The following TMTC1 variants were observed in gnomAD, a reference collection of about 807,000 sequenced individuals.
TMTC1 encodes transmembrane O-mannosyltransferase targeting cadherins 1.
TMTC1 carries 73 observed loss-of-function variants against 104.8 expected under a neutral mutation model. The observed-to-expected ratio is 0.70, with a 90% confidence interval of 0.58 to 0.85. The LOEUF is 0.85. Ranked by LOEUF, TMTC1 falls within the 40% of genes least tolerant of loss-of-function variation. The pLI is 0.00. For synonymous variants in TMTC1, 434 were observed against 428.7 expected, an observed-to-expected ratio of 1.01 and a Z score of -0.15; for missense variants, 1,035 against 1,096.1, an observed-to-expected ratio of 0.94 and a Z score of 0.79.
intron 2 of TMTC1, among the ~76,000 whole-genome samples, chr12:29,759,265 G>A (rs1943288288): frequency 6.6e-6 from 1 of 152,172 alleles, no homozygotes; most frequent in South Asian, 2.1e-4. Flanking sequence ...GAAGGCCGAG[G>A]CTGGCGGAAC....
intron 5 of TMTC1, among the ~76,000 whole-genome samples, chr12:29,745,592 G>A (rs1189443263): frequency 1.6e-5 from 2 of 125,028 alleles, no homozygotes; most frequent in African/African-American, 3.1e-5. Flanking sequence ...CTGTACTCCA[G>A]CCTGAGCAAC....
intron 10 of TMTC1, among the ~76,000 whole-genome samples, chr12:29,554,774 G>A (rs917367548): frequency 2.0e-4 from 31 of 152,118 alleles, no homozygotes; most frequent in African/African-American, 7.0e-4. Context: ...GAGTCTGGGA[G>A]GCAGAGGTTG....
intron 7 of TMTC1, among the ~76,000 whole-genome samples, chr12:29,599,936 ATATG>A (rs1946511049): frequency 6.7e-6 from 1 of 148,248 alleles, no homozygotes; most frequent in Non-Finnish European, 1.5e-5. Context: ...ATGTGTATAT[ATATG>A]TGTGTGTATA....
chr12:29,766,718 T>G (rs1261161435), intron 2 of TMTC1, among the ~76,000 whole-genome samples: 1 of 152,132 alleles, frequency 6.6e-6, no homozygotes, highest in Non-Finnish European at 1.5e-5. Context: ...AGGTGTGTAC[T>G]CAGGCAGATC....
chr12:29,737,256 C>A (rs919384117), intron 5 of TMTC1, among the ~76,000 whole-genome samples: 18 of 152,286 alleles, frequency 1.2e-4, no homozygotes, highest in African/African-American at 4.3e-4. Context: ...TGGTGGCTCA[C>A]GCCTGTAATC....
chr12:29,693,845 C>T (rs1941335999), intron 5 of TMTC1, among the ~76,000 whole-genome samples: 1 of 152,158 alleles, frequency 6.6e-6, no homozygotes, highest in East Asian at 1.9e-4. Flanking sequence ...AATGCCCGGG[C>T]AGACTGACAG....
chr12:29,728,064 A>T (rs1942446878), intron 5 of TMTC1, among the ~76,000 whole-genome samples: 1 of 152,214 alleles, frequency 6.6e-6, no homozygotes, highest in Non-Finnish European at 1.5e-5. Flanking sequence ...TAGGAGCTTT[A>T]TTGTGATGCA....
At chr12:29,562,922 AT>A (rs1945414290) in intron 9 of TMTC1, among the ~76,000 whole-genome samples, 1 of 152,120 alleles carries the variant, frequency 6.6e-6, no homozygotes, top group Admixed American at 6.6e-5. Flanking sequence ...CCTTCCTCAC[AT>A]GGATTTTTCA....
At chr12:29,567,252 T>C (rs1945541495) in intron 9 of TMTC1, among the ~76,000 whole-genome samples, 1 of 152,226 alleles carries the variant, frequency 6.6e-6, no homozygotes, top group South Asian at 2.1e-4. Context: ...TTCTGTTTTC[T>C]GGGGAACCAT....
At chr12:29,546,849 C>T (rs1944956355) in intron 10 of TMTC1, among the ~76,000 whole-genome samples, 1 of 152,106 alleles carries the variant, frequency 6.6e-6, no homozygotes, top group Non-Finnish European at 1.5e-5. Flanking sequence ...ATGATCGCAC[C>T]TGTGAATAGC....
At chr12:29,774,620 G>A (rs1943667224) in intron 1 of TMTC1, among the ~76,000 whole-genome samples, 2 of 151,872 alleles carry the variant, frequency 1.3e-5, no homozygotes, top group South Asian at 4.2e-4. Flanking sequence ...CCAACCTCTT[G>A]CCATCATTAC....
chr12:29,550,813 C>T (rs928347471), intron 10 of TMTC1, among the ~76,000 whole-genome samples: 4 of 151,484 alleles, frequency 2.6e-5, no homozygotes, highest in African/African-American at 9.7e-5. Context: ...GAAGAAGGTA[C>T]AAGAAGTTGT....
chr12:29,743,034 TA>T (rs1253124859), intron 5 of TMTC1, among the ~76,000 whole-genome samples: 5 of 152,234 alleles, frequency 3.3e-5, no homozygotes, highest in African/African-American at 1.2e-4. Context: ...AGTTAAATCC[TA>T]GCACTACCAT....
intron 17 of TMTC1, 122 bp downstream of exon 17, chr12:29,511,921 T>C: frequency 4.1e-6 from 4 of 981,358 alleles, no homozygotes; most frequent in Non-Finnish European, 6.6e-6. Context: ...GCCATACTTT[T>C]GATATTCAAA....
chr12:29,716,070 G>A (rs1353070529), intron 5 of TMTC1, among the ~76,000 whole-genome samples: 1 of 151,306 alleles, frequency 6.6e-6, no homozygotes, highest in East Asian at 1.9e-4. Flanking sequence ...CCAGAATGGA[G>A]TCCAGTGGCA....
At chr12:29,537,184 A>G (rs1366090857) in intron 10 of TMTC1, among the ~76,000 whole-genome samples, 1 of 152,224 alleles carries the variant, frequency 6.6e-6, no homozygotes, top group Admixed American at 6.5e-5. Flanking sequence ...TGTGCAATGA[A>G]AAAGAGAATC....
intron 5 of TMTC1, among the ~76,000 whole-genome samples, chr12:29,645,626 T>C (rs1939233834): frequency 6.6e-6 from 1 of 152,174 alleles, no homozygotes; most frequent in African/African-American, 2.4e-5. Context: ...GCAAAATAAA[T>C]ACTGGGTTCA....
chr12:29,631,155 G>A (rs1338717711), intron 6 of TMTC1, among the ~76,000 whole-genome samples: 1 of 152,064 alleles, frequency 6.6e-6, no homozygotes, highest in African/African-American at 2.4e-5. Context: ...CAGATACAAG[G>A]CCTTTGTAGA....
chr12:29,540,793 G>A (rs946131450), intron 10 of TMTC1, among the ~76,000 whole-genome samples: 1 of 151,988 alleles, frequency 6.6e-6, no homozygotes, highest in Non-Finnish European at 1.5e-5. Context: ...AGAGGAGTTC[G>A]AGACCAGCCT....
Sources: allele counts gnomAD v4.1 joint callset (sites outside exome capture counted in the v4.1 genomes callset), GRCh38; gene constraint gnomAD v4.1.1; transcripts MANE v1.5; gene names NCBI Gene and HGNC (gene_info 2026-07-23, HGNC 2026-07-21).